LIMCH1: variants seen among roughly 807,000 people sequenced by gnomAD.
The protein encoded by LIMCH1 is LIM and calponin homology domains 1, also known as LIM and calponin homology domains-containing protein 1.
A neutral mutation model predicts 176.5 loss-of-function variants in LIMCH1; 113 were observed. The observed-to-expected ratio is 0.64, with a 90% CI of 0.55 to 0.75. The LOEUF is 0.75. Among genes scored for constraint, LIMCH1 ranks in the 30% least tolerant of loss-of-function variants. LIMCH1 has a pLI of 0.00. For missense variants in LIMCH1, 1,674 were observed against 1,814.9 expected (o/e 0.92, Z 1.41); for synonymous variants, 619 against 645.9 (o/e 0.96, Z 0.63).
chr4:41,541,401 A>G (rs1184670623), intron 1 of LIMCH1, among the ~76,000 whole-genome samples: 1 of 152,246 alleles, frequency 6.6e-6, no homozygotes, highest in East Asian at 1.9e-4. Flanking sequence ...GGAGTCTCCC[A>G]TCTCTTGGAA....
chr4:41,685,780 G>C lies in LIMCH1; in HGVS notation c.4038G>C (p.Pro1346=), dbSNP rs61733763. 1 of 1,613,312 alleles carries C rather than the reference G, an allele frequency of 6.2e-7. No individual in the cohort carries two copies. Among genetic ancestry groups the C allele is most frequent in the Non-Finnish European group, 8.5e-7 (1 of 1,179,626 alleles). The change falls in exon 28 of 32, where the codon CCG becomes CCC. Residue 1346 remains proline, a synonymous_variant. Transcript: ENST00000503057. The part of the protein sequence containing the change: ...SSEDVKPKTL[P]LDKSINHQIE... The stretch of plus-strand genomic sequence containing the variant: ...AAGATGTGAAGCCAAAAACCCTCCC[G>C]CTGGATAAAAGCATTAACCATCAGA...
chr4:41,499,108 G>A (rs2072747977), intron 2 of LIMCH1, among the ~76,000 whole-genome samples: 1 of 152,142 alleles, frequency 6.6e-6, no homozygotes, highest in East Asian at 1.9e-4. Flanking sequence ...AGTGCAAAAT[G>A]CTATTTGGGT....
chr4:41,500,855 G>A (rs1438838189), intron 2 of LIMCH1, among the ~76,000 whole-genome samples: 1 of 152,198 alleles, frequency 6.6e-6, no homozygotes, highest in Non-Finnish European at 1.5e-5. Flanking sequence ...GAGCTGAAAG[G>A]TTAGGAGGCT....
At chr4:41,448,142 T>A (rs1156789659) in intron 1 of LIMCH1, among the ~76,000 whole-genome samples, 1 of 152,168 alleles carries the variant, frequency 6.6e-6, no homozygotes, top group South Asian at 2.1e-4. Context: ...CAGAGTAGAA[T>A]GTAGGAGCTT....
At chr4:41,645,680 C>T (rs751693589) in intron 15 of LIMCH1, among the ~76,000 whole-genome samples, 2 of 152,152 alleles carry the variant, frequency 1.3e-5, no homozygotes, top group African/African-American at 2.4e-5. Context: ...GATCTAAAGA[C>T]TCCAAAACAG....
At chr4:41,492,523 TGACTCA>T (rs2071281181) in intron 1 of LIMCH1, among the ~76,000 whole-genome samples, 1 of 152,234 alleles carries the variant, frequency 6.6e-6, no homozygotes, top group Non-Finnish European at 1.5e-5. Flanking sequence ...ATTTGCATTC[TGACTCA>T]GAATTTGGAC....
chr4:41,660,985 A>C (rs7349706), intron 18 of LIMCH1, among the ~76,000 whole-genome samples: 50,138 of 151,972 alleles, frequency 0.33, 8,816 homozygotes, highest in African/African-American at 0.39. Flanking sequence ...ACTGCAGGCT[A>C]AAATCCACAA....
chr4:41,560,154 T>TA (rs2081881196), intron 1 of LIMCH1, among the ~76,000 whole-genome samples: 2 of 152,234 alleles, frequency 1.3e-5, no homozygotes, highest in Non-Finnish European at 2.9e-5. Flanking sequence ...GCACAATTCT[T>TA]ATAGCCAGCA....
intron 2 of LIMCH1, among the ~76,000 whole-genome samples, chr4:41,512,674 A>G (rs886508104): frequency 3.3e-5 from 5 of 152,188 alleles, no homozygotes; most frequent in Non-Finnish European, 1.5e-5. Flanking sequence ...ATATAATTTC[A>G]TTTATATAAA....
intron 1 of LIMCH1, among the ~76,000 whole-genome samples, chr4:41,585,407 A>G (rs1424613550): frequency 6.6e-6 from 1 of 152,206 alleles, no homozygotes; most frequent in African/African-American, 2.4e-5. Context: ...GCTAAATACT[A>G]TTCCATTGTA....
At chr4:41,569,710 A>G (rs2083267492) in intron 1 of LIMCH1, among the ~76,000 whole-genome samples, 1 of 152,198 alleles carries the variant, frequency 6.6e-6, no homozygotes, top group African/African-American at 2.4e-5. Context: ...AGTCAAGTCA[A>G]GGACCATATT....
chr4:41,573,360 G>T (rs1217365871), intron 1 of LIMCH1, among the ~76,000 whole-genome samples: 1 of 152,006 alleles, frequency 6.6e-6, no homozygotes, highest in African/African-American at 2.4e-5. Flanking sequence ...TATATAAAGG[G>T]GCAAATAAAA....
chr4:41,660,873 A>G (rs2094594661), intron 18 of LIMCH1, among the ~76,000 whole-genome samples: 1 of 152,124 alleles, frequency 6.6e-6, no homozygotes, highest in Admixed American at 6.5e-5. Flanking sequence ...AGTAAGAACC[A>G]GTGAGAAAAG....
intron 1 of LIMCH1, among the ~76,000 whole-genome samples, chr4:41,430,411 G>A (rs1686660521): frequency 6.6e-6 from 1 of 152,084 alleles, no homozygotes; most frequent in East Asian, 1.9e-4. Flanking sequence ...CTACAGGCAC[G>A]TGCCACTACG....
intron 2 of LIMCH1, among the ~76,000 whole-genome samples, chr4:41,502,817 TTTG>T (rs1292284993): frequency 1.3e-5 from 2 of 152,116 alleles, no homozygotes; most frequent in East Asian, 3.9e-4. Context: ...AGTGAGAATT[TTTG>T]TTGTTGTCAG....
chr4:41,443,192 C>CTTTTT (rs916559501), intron 1 of LIMCH1, among the ~76,000 whole-genome samples: 139 of 39,644 alleles, frequency 3.5e-3, no homozygotes, highest in East Asian at 5.3e-3. Flanking sequence ...TGTTTTTTTT[C>CTTTTT]TTTTTTTTTT....
At chr4:41,428,572 A>G (rs1324939070) in intron 1 of LIMCH1, among the ~76,000 whole-genome samples, 1 of 148,602 alleles carries the variant, frequency 6.7e-6, no homozygotes, top group Admixed American at 6.9e-5. Flanking sequence ...GTTCTTAAGT[A>G]ACTTCTAACT....
chr4:41,538,171 A>T lies in LIMCH1; in HGVS notation c.-420A>T, dbSNP rs111543943. The T allele has an allele frequency of 7.7e-3, 7,618 of 985,508 alleles. 224 individuals are homozygous for T. The African/African-American group carries it at 0.082, about 11-fold the overall frequency. 61.0% of individuals were successfully genotyped at this position (985,508 alleles called of 1,614,324 possible). The stretch of plus-strand genomic sequence containing the variant: ...TTCACTGCATCAGCATTTCAGCCGC[A>T]GCAGCCTGCTTGTGGACAGAGCAGG... On this transcript the variant is annotated 5_prime_UTR_variant, in exon 1 of 32. Coordinates refer to ENST00000503057, the MANE Select transcript of LIMCH1 (RefSeq NM_001330672.2).
intron 2 of LIMCH1, among the ~76,000 whole-genome samples, chr4:41,507,317 T>A (rs1457298532): frequency 6.6e-6 from 1 of 152,144 alleles, no homozygotes; most frequent in African/African-American, 2.4e-5. Flanking sequence ...GGTTGTTAAT[T>A]CCATTTCCAG....
Sources: allele counts gnomAD v4.1 joint callset (sites outside exome capture counted in the v4.1 genomes callset), GRCh38; gene constraint gnomAD v4.1.1; transcripts MANE v1.5; gene names NCBI Gene and HGNC (gene_info 2026-07-23, HGNC 2026-07-21).